LPCAT3: variants seen among roughly 807,000 people sequenced by gnomAD.
The protein encoded by LPCAT3 is lysophosphatidylcholine acyltransferase 3.
In LPCAT3, 21 loss-of-function variants were observed where a neutral mutation model predicts 63.4. The ratio of observed to expected loss-of-function variants is 0.33; its 90% CI spans 0.23 to 0.48. The LOEUF is 0.48. LPCAT3 is among the 20% of genes least tolerant of loss of function. The pLI, the probability that LPCAT3 is intolerant of heterozygous loss-of-function variation, is 0.99. For missense variants in LPCAT3, 451 were observed against 590.6 expected (o/e 0.76, Z 2.45); for synonymous variants, 242 against 227.5 (o/e 1.06, Z -0.58).
intron 1 of LPCAT3, among the ~76,000 whole-genome samples, chr12:7,011,647 C>CAAAAAAAAA (rs1177972639): frequency 1.3e-5 from 1 of 75,680 alleles, no homozygotes; most frequent in Non-Finnish European, 2.7e-5. Context: ...CACCATGTCT[C>CAAAAAAAAA]AAAAAAAAAA....
chr12:6,998,789 G>C (rs1555156293), intron 1 of LPCAT3, among the ~76,000 whole-genome samples: 1 of 152,248 alleles, frequency 6.6e-6, no homozygotes, highest in East Asian at 1.9e-4. Flanking sequence ...ACCTTGGGCT[G>C]AGTCATATGC....
At chr12:6,981,531 T>C (rs1946470958) in intron 5 of LPCAT3, 64 bp downstream of exon 5, 2 of 1,548,914 alleles carry the variant, frequency 1.3e-6, no homozygotes. Flanking sequence ...CAGTCTTTTG[T>C]TAACAACTTT....
chr12:6,983,044 C>A, intron 2 of LPCAT3: 1 of 572,620 alleles, frequency 1.7e-6, no homozygotes, highest in Non-Finnish European at 3.3e-6. Flanking sequence ...TGCAGTAGCT[C>A]AATCATAGCT....
chr12:6,979,359 A>G (rs1444100645), intron 7 of LPCAT3, 112 bp downstream of exon 7: 1 of 787,512 alleles, frequency 1.3e-6, no homozygotes. Flanking sequence ...AGCAAAACCA[A>G]CATGCACTTG....
intron 5 of LPCAT3, 88 bp downstream of exon 5, chr12:6,981,507 C>G: frequency 7.5e-7 from 1 of 1,328,220 alleles, no homozygotes; most frequent in Non-Finnish European, 1.1e-6. Context: ...AGGCTCCGCT[C>G]TGGAATTTGG....
At chr12:6,990,916 CAAA>C (rs59031613) in intron 1 of LPCAT3, among the ~76,000 whole-genome samples, 3 of 68,120 alleles carry the variant, frequency 4.4e-5, no homozygotes, top group Non-Finnish European at 1.1e-4. Flanking sequence ...GACTCCAAAT[CAAA>C]AAAAAAAAAA....
At chr12:6,992,624 G>A (rs1946599595) in intron 1 of LPCAT3, among the ~76,000 whole-genome samples, 1 of 152,238 alleles carries the variant, frequency 6.6e-6, no homozygotes, top group African/African-American at 2.4e-5. Context: ...TGGACTGCAT[G>A]CTGATATGGA....
At chr12:7,006,107 G>T (rs1031436383) in intron 1 of LPCAT3, among the ~76,000 whole-genome samples, 5 of 152,302 alleles carry the variant, frequency 3.3e-5, no homozygotes, top group African/African-American at 1.2e-4. Context: ...ATGACCTGGG[G>T]TCCCAATGAT....
At chr12:7,016,086 T>G (rs144879907) in intron 1 of LPCAT3, among the ~76,000 whole-genome samples, 1 of 152,178 alleles carries the variant, frequency 6.6e-6, no homozygotes, top group African/African-American at 2.4e-5. Context: ...TCCTAACTAA[T>G]GAATGTAATA....
chr12:6,997,109 T>C (rs760140796), intron 1 of LPCAT3: 1 of 152,250 alleles, frequency 6.6e-6, no homozygotes, highest in Non-Finnish European at 1.5e-5. Context: ...CAAACCTTTT[T>C]GCTGGCATAG....
At chr12:6,986,438 T>C (rs1281099495) in intron 1 of LPCAT3, among the ~76,000 whole-genome samples, 1 of 152,194 alleles carries the variant, frequency 6.6e-6, no homozygotes, top group Non-Finnish European at 1.5e-5. Flanking sequence ...GTTAATCAAC[T>C]TGTTTATGCT....
chr12:7,007,790 C>T (rs782570561), intron 1 of LPCAT3, among the ~76,000 whole-genome samples: 19 of 152,226 alleles, frequency 1.2e-4, no homozygotes, highest in South Asian at 1.0e-3. Context: ...CCACTGTGCC[C>T]GGCCATGACA....
chr12:6,984,907 A>G (rs1193321493), intron 1 of LPCAT3, among the ~76,000 whole-genome samples: 6 of 152,128 alleles, frequency 3.9e-5, no homozygotes, highest in Non-Finnish European at 8.8e-5. Context: ...TCTTGCTTTT[A>G]AATTATGTAA....
chr12:6,999,208 T>C (rs1209850136), intron 1 of LPCAT3, among the ~76,000 whole-genome samples: 1 of 152,246 alleles, frequency 6.6e-6, no homozygotes, highest in Non-Finnish European at 1.5e-5. Flanking sequence ...TTTGTTAATC[T>C]AATTCTTGAG....
chr12:7,015,599 C>T (rs1565607699), intron 1 of LPCAT3, among the ~76,000 whole-genome samples: 1 of 152,116 alleles, frequency 6.6e-6, no homozygotes, highest in Non-Finnish European at 1.5e-5. Context: ...ACAATCCTAC[C>T]CGTCCACATG....
At chr12:7,007,590 G>A (rs1450305049) in intron 1 of LPCAT3, among the ~76,000 whole-genome samples, 2 of 149,766 alleles carry the variant, frequency 1.3e-5, no homozygotes, top group African/African-American at 2.5e-5. Context: ...CCCCTCCCAG[G>A]TTCAAGCGAT....
intron 1 of LPCAT3, among the ~76,000 whole-genome samples, chr12:7,013,211 C>T (rs781951713): frequency 2.6e-5 from 4 of 152,286 alleles, no homozygotes; most frequent in Non-Finnish European, 4.4e-5. Flanking sequence ...AGCAGGTAAG[C>T]GTGTGCAAAG....
At position 6,981,014 on chromosome 12, in the gene LPCAT3, T is replaced by C. The variant is rs1555153986; in HGVS notation, c.667A>G (p.Ile223Val). ...AAGAGGGGCAATTACCTGTTTGGTA[T>C]CTTTCCTGGTATGTCAATCAGCTCT... ...QGELIDIPGK[I>V]PNSIIPALKR... is the part of the protein sequence containing the mutation. Residue 223 changes from isoleucine to valine, a missense_variant, in exon 6 of 13, where the codon ATA (isoleucine) becomes GTA (valine). Around this residue, in one of 3 missense-constraint regions of LPCAT3, gnomAD observed 304 missense variants for 390.8 expected, o/e 0.78. Coordinates refer to ENST00000261407, the MANE Select transcript of LPCAT3 (RefSeq NM_005768.6). 18 of 1,595,276 alleles carry C rather than the reference T, an allele frequency of 1.1e-5. No homozygotes were observed. Among genetic ancestry groups the C allele is most frequent in the Non-Finnish European group, 1.5e-5 (18 of 1,172,320 alleles).
intron 1 of LPCAT3, among the ~76,000 whole-genome samples, chr12:6,999,348 A>G (rs1392344610): frequency 6.6e-6 from 1 of 152,228 alleles, no homozygotes; most frequent in Non-Finnish European, 1.5e-5. Flanking sequence ...GGGAGGAACA[A>G]TAGAGGGGAC....
Sources: allele counts gnomAD v4.1 joint callset (sites outside exome capture counted in the v4.1 genomes callset), GRCh38; gene constraint gnomAD v4.1.1; regional missense constraint gnomAD v4.1.1; transcripts MANE v1.5; gene names NCBI Gene and HGNC (gene_info 2026-07-23, HGNC 2026-07-21).